COL5A1: variants seen among roughly 807,000 people sequenced by gnomAD.
COL5A1 encodes collagen alpha-1(V) chain.
A neutral mutation model predicts 263.7 loss-of-function variants in COL5A1; 16 were observed. The observed-to-expected ratio is 0.06, with a 90% CI of 0.04 to 0.09. The LOEUF is 0.09. Ranked by LOEUF, COL5A1 falls within the 10% of genes least tolerant of loss-of-function variation. The pLI, the probability that COL5A1 is intolerant of heterozygous loss-of-function variation, is 1.00. For synonymous variants in COL5A1, 1,012 were observed against 1,004.5 expected (o/e 1.01, Z -0.14); for missense variants, 2,036 against 2,540.5 (o/e 0.80, Z 4.27).
At position 134,812,420 on chromosome 9, in the gene COL5A1, C is replaced by T. The variant is rs199952132; in HGVS notation, c.3691-29C>T. ...GTTTGACATACACATGACAGAACAGCGCTTAACTGGGAAGTTTCCTGTTCT... is the reference window on the plus strand; with the variant it reads ...GTTTGACATACACATGACAGAACAGTGCTTAACTGGGAAGTTTCCTGTTCT... On this transcript the variant is annotated intron_variant, in intron 46 of 65. Coordinates refer to ENST00000371817, the MANE Select transcript of COL5A1 (RefSeq NM_000093.5). The T allele has an allele frequency of 3.8e-5, 62 of 1,611,720 alleles. No individual in the cohort carries two copies. In the East Asian group the frequency reaches 7.4e-4, roughly 19 times the overall value.
intron 38 of COL5A1, 77 bp from the exon 39 acceptor site, chr9:134,802,811 C>T (rs1838160514): frequency 8.9e-7 from 1 of 1,120,506 alleles, no homozygotes; most frequent in African/African-American, 1.5e-5. Flanking sequence ...CAGGGCTGTC[C>T]TTAGATTTAG....
intron 11 of COL5A1, among the ~76,000 whole-genome samples, chr9:134,745,648 T>G (rs1835483672): frequency 6.6e-6 from 1 of 152,152 alleles, no homozygotes; most frequent in Non-Finnish European, 1.5e-5. Context: ...TGTCTAGCTC[T>G]TGGAAGGGGC....
intron 65 of COL5A1, among the ~76,000 whole-genome samples, chr9:134,837,771 G>A (rs560045299): frequency 1.4e-4 from 21 of 152,090 alleles, no homozygotes; most frequent in Admixed American, 3.3e-4. Context: ...TGTGCCAAAC[G>A]CCTCCAGAAA....
rs1471772689 is a variant in COL5A1, at chr9:134,747,961, G to GCGCACATGCATTCA, written c.1495-2580_1495-2579insGCACATGCATTCAC. Among the ~76,000 whole-genome samples, 24 of 112,206 alleles carry GCGCACATGCATTCA rather than the reference G, an allele frequency of 2.1e-4. 2 individuals carry two copies. The highest frequency in any genetic ancestry group is 1.4e-3 in the East Asian group (5 of 3,498). 73.6% of individuals were successfully genotyped at this position (112,206 alleles called of 152,430 possible). On this transcript the variant is annotated intron_variant, in intron 11 of 65. Transcript: ENST00000371817. ...TGCATTCATACACATGCAGACACAT[G>GCGCACATGCATTCA]CACACATGCATTCACACACACATGC...
chr9:134,781,757 C>T (rs1230305176), intron 28 of COL5A1, among the ~76,000 whole-genome samples: 1 of 152,180 alleles, frequency 6.6e-6, no homozygotes, highest in Non-Finnish European at 1.5e-5. Context: ...GCTTCCAGCA[C>T]TATGTGAACA....
At chr9:134,778,299 T>G (rs1837123527) in intron 27 of COL5A1, among the ~76,000 whole-genome samples, 2 of 152,232 alleles carry the variant, frequency 1.3e-5, no homozygotes, top group Non-Finnish European at 2.9e-5. Flanking sequence ...GAGTCACTTC[T>G]CACCTTCCTG....
chr9:134,829,495 C>T (rs570356771), intron 63 of COL5A1, among the ~76,000 whole-genome samples: 6 of 150,206 alleles, frequency 4.0e-5, no homozygotes, highest in East Asian at 2.0e-4. Context: ...GGGCTCCTCA[C>T]GCAGCCTCCA....
At chr9:134,730,090 C>T in intron 6 of COL5A1, 146 bp from the exon 7 acceptor site, 2 of 1,244,268 alleles carry the variant, frequency 1.6e-6, no homozygotes, top group South Asian at 1.2e-5. Flanking sequence ...GGCCCCTGCA[C>T]CCAAGAGGTC....
intron 1 of COL5A1, among the ~76,000 whole-genome samples, chr9:134,656,645 C>T (rs1831983563): frequency 6.6e-6 from 1 of 152,194 alleles, no homozygotes; most frequent in East Asian, 1.9e-4. Flanking sequence ...GTATTGATAA[C>T]GATGCCTGCT....
chr9:134,768,177 G>A lies in COL5A1; in HGVS notation c.2233-233G>A, dbSNP rs140111335. 4.6e-3 allele frequency among the ~76,000 whole-genome samples: 694 copies of A among 152,314 alleles called. 4 individuals are homozygous for A. Among genetic ancestry groups the A allele is most frequent in the Middle Eastern group, 0.014 (4 of 294 alleles). Reference sequence around the variant, plus strand: ...GTGGAGAAGAATGGGGGCACTTGGTGGACTGATTCCGTTCCTACAGCAGAA... The same window carrying A: ...GTGGAGAAGAATGGGGGCACTTGGTAGACTGATTCCGTTCCTACAGCAGAA... On this transcript the variant is annotated intron_variant, in intron 24 of 65. Transcript: ENST00000371817.
At position 134,701,319 on chromosome 9, in the gene COL5A1, G is replaced by A. The variant is rs763107415; in HGVS notation, c.640G>A (p.Glu214Lys). The part of the protein sequence containing the change: ...IIVFGTRILD[E>K]EVFEGDIQQL... ...CGTGTTTGGCACCCGGATCCTGGAT[G>A]AGGAGGTGTTTGAGGTGAGCAGGAG... The change falls in exon 4 of 66, where the codon GAG becomes AAG. Residue 214 changes from glutamate (E) to lysine (K), a missense_variant. By Grantham distance (56) the Glu-to-Lys change is moderately conservative (BLOSUM62 1). Transcript: ENST00000371817. The A allele has an allele frequency of 3.7e-6, 6 of 1,613,870 alleles. No individual in the cohort carries two copies. The highest frequency in any genetic ancestry group is 5.1e-6 in the Non-Finnish European group (6 of 1,179,990).
chr9:134,735,796 A>G (rs1194786214), intron 9 of COL5A1, among the ~76,000 whole-genome samples: 1 of 152,164 alleles, frequency 6.6e-6, no homozygotes, highest in Non-Finnish European at 1.5e-5. Context: ...TGCTTGGATG[A>G]GCTCTCTGTG....
At chr9:134,770,420 CG>C (rs1479608292) in intron 25 of COL5A1, among the ~76,000 whole-genome samples, 5 of 152,062 alleles carry the variant, frequency 3.3e-5, no homozygotes, top group African/African-American at 1.2e-4. Flanking sequence ...TGGTATCACA[CG>C]CTGGGGAAAT....
At chr9:134,831,963 C>T (rs1487398579) in intron 64 of COL5A1, among the ~76,000 whole-genome samples, 1 of 152,158 alleles carries the variant, frequency 6.6e-6, no homozygotes, top group Admixed American at 6.5e-5. Flanking sequence ...GGGGGCCTCT[C>T]AAAGATACCC....
chr9:134,741,067 C>T lies in COL5A1; in HGVS notation c.1494+2259C>T, dbSNP rs1387162396. Among the ~76,000 whole-genome samples the T allele has an allele frequency of 6.6e-6, 1 of 152,192 alleles. No homozygotes were observed. Among genetic ancestry groups the T allele is most frequent in the Non-Finnish European group, 1.5e-5 (1 of 68,034 alleles). On this transcript the variant is annotated intron_variant, in intron 11 of 65. Transcript: ENST00000371817. The surrounding 1 kb of genome is among the most constrained non-coding windows in gnomAD (Gnocchi z 4.5). ...CTCCGGCCAGCCTTGTTCAGGAAGC[C>T]ATCCCTGCTCACCGCTCAGCGCCCT...
intron 9 of COL5A1, 63 bp downstream of exon 9, chr9:134,732,190 G>C: frequency 1.3e-6 from 2 of 1,566,648 alleles, no homozygotes; most frequent in Non-Finnish European, 1.8e-6. Context: ...TCACAGCGGG[G>C]TGTGTAGGGT....
chr9:134,806,147 C>T (rs1203030221), intron 41 of COL5A1, 42 bp from the exon 42 acceptor site: 4 of 1,439,314 alleles, frequency 2.8e-6, no homozygotes, highest in Admixed American at 3.9e-5. Flanking sequence ...ACCACGCAGT[C>T]TGAGAGCCTT....
chr9:134,706,597 C>A (rs1030951945), intron 4 of COL5A1, among the ~76,000 whole-genome samples: 7 of 152,208 alleles, frequency 4.6e-5, no homozygotes, highest in African/African-American at 1.7e-4. Flanking sequence ...GGTTGAGTCA[C>A]TTGCCTAAGG....
At chr9:134,722,614 T>C (rs933309231) in intron 4 of COL5A1, among the ~76,000 whole-genome samples, 3 of 152,200 alleles carry the variant, frequency 2.0e-5, no homozygotes, top group African/African-American at 7.2e-5. Flanking sequence ...TCTTCCTTCT[T>C]TGAAGTGCCT....
Sources: allele counts gnomAD v4.1 joint callset (sites outside exome capture counted in the v4.1 genomes callset), GRCh38; gene constraint gnomAD v4.1.1; non-coding constraint Gnocchi (gnomAD v3.1); transcripts MANE v1.5; gene names NCBI Gene and HGNC (gene_info 2026-07-23, HGNC 2026-07-21).